The following ZC3H12B variants were observed in gnomAD, a reference collection of about 807,000 sequenced individuals.
ZC3H12B encodes probable ribonuclease ZC3H12B.
ZC3H12B carries 7 observed loss-of-function variants against 43.9 expected under a neutral mutation model. The observed-to-expected ratio is 0.16, with a 90% CI of 0.09 to 0.30. The LOEUF (loss-of-function observed/expected upper bound fraction) is 0.30, where lower values mean the gene tolerates loss of function less well. Among genes scored for constraint, ZC3H12B ranks in the 10% least tolerant of loss-of-function variants. The probability of loss-of-function intolerance (pLI) is 1.00; values close to 1 mark genes in which losing one functional copy is unlikely to be tolerated. For missense variants in ZC3H12B, 475 were observed against 670.2 expected (o/e 0.71, Z 3.22); for synonymous variants, 222 against 241.7 (o/e 0.92, Z 0.76).
the ZC3H12B span, among the ~76,000 whole-genome samples, chrX:65,178,146 A>C: frequency 8.9e-6 from 1 of 112,294 alleles, no homozygotes; most frequent in Non-Finnish European, 1.9e-5. Context: ...AAACCTGAGA[A>C]ACACAAGCAA....
chrX:65,093,672 T>C, the ZC3H12B span, among the ~76,000 whole-genome samples: 4 of 112,346 alleles, frequency 3.6e-5, no homozygotes, highest in African/African-American at 1.3e-4. Context: ...GATTTATTTC[T>C]TTTGGAATAG....
chrX:65,403,233 AAG>A (rs1199050535), intron 3 of ZC3H12B, among the ~76,000 whole-genome samples: 1 of 112,091 alleles, frequency 8.9e-6, no homozygotes, highest in African/African-American at 3.2e-5. Flanking sequence ...ATCAAGAAGA[AAG>A]AGTGAGCTTG....
the ZC3H12B span, among the ~76,000 whole-genome samples, chrX:65,102,262 A>T: frequency 4.4e-3 from 486 of 111,683 alleles, 3 homozygotes; most frequent in African/African-American, 0.015. Context: ...TTTATGACAA[A>T]CCCATAGCCA....
the ZC3H12B span, among the ~76,000 whole-genome samples, chrX:65,133,566 T>A: frequency 4.2e-3 from 465 of 111,654 alleles, 2 homozygotes; most frequent in African/African-American, 0.013. Flanking sequence ...TCCAGCCACA[T>A]CTTTAAGAAG....
chrX:65,426,564 G>A (rs1403829687), intron 3 of ZC3H12B, among the ~76,000 whole-genome samples: 1 of 110,350 alleles, frequency 9.1e-6, no homozygotes, highest in East Asian at 2.8e-4. Flanking sequence ...TGAGATGTTA[G>A]GTTGTTAACG....
chrX:65,485,413 C>T (rs1283442781), upstream of ZC3H12B, among the ~76,000 whole-genome samples: 1 of 111,846 alleles, frequency 8.9e-6, no homozygotes, highest in Non-Finnish European at 1.9e-5. Flanking sequence ...GCCACCATGC[C>T]TGACTAATTT....
chrX:65,294,668 C>A, the ZC3H12B span, among the ~76,000 whole-genome samples: 4 of 111,334 alleles, frequency 3.6e-5, no homozygotes, highest in African/African-American at 1.3e-4. Context: ...ATATTCCATG[C>A]AAATGTACAC....
the ZC3H12B span, among the ~76,000 whole-genome samples, chrX:65,277,762 G>C: frequency 1.8e-5 from 2 of 110,707 alleles, no homozygotes; most frequent in Non-Finnish European, 1.9e-5. Flanking sequence ...TCAAAAAACT[G>C]GAAAGATTAC....
chrX:65,160,169 A>T, the ZC3H12B span, among the ~76,000 whole-genome samples: 1 of 111,880 alleles, frequency 8.9e-6, no homozygotes, highest in African/African-American at 3.2e-5. Context: ...ATTTGCCAGT[A>T]TTTTATTGAG....
chrX:65,159,257 C>G, the ZC3H12B span, among the ~76,000 whole-genome samples: 1 of 111,754 alleles, frequency 8.9e-6, no homozygotes, highest in Admixed American at 9.5e-5. Flanking sequence ...GCGATGCGGG[C>G]TCTTCTTTGG....
At chrX:65,209,805 C>G in the ZC3H12B span, among the ~76,000 whole-genome samples, 1 of 100,843 alleles carries the variant, frequency 9.9e-6, no homozygotes, top group Admixed American at 1.1e-4. Flanking sequence ...CTGAGAAAAA[C>G]AAGCAATGGG....
the ZC3H12B span, among the ~76,000 whole-genome samples, chrX:65,224,299 G>A: frequency 8.9e-6 from 1 of 112,668 alleles, no homozygotes; most frequent in Admixed American, 9.4e-5. Flanking sequence ...ACTCGGGAAA[G>A]GGTCTGAAGA....
At chrX:65,397,524 C>T (rs773914134) in intron 2 of ZC3H12B, among the ~76,000 whole-genome samples, 4 of 111,307 alleles carry the variant, frequency 3.6e-5, no homozygotes, top group Admixed American at 9.6e-5. Flanking sequence ...ATATTGGGCC[C>T]CACTGTCTTC....
At chrX:65,062,234 C>T in the ZC3H12B span, among the ~76,000 whole-genome samples, 5 of 112,220 alleles carry the variant, frequency 4.5e-5, no homozygotes, top group Non-Finnish European at 9.4e-5. Flanking sequence ...AGCCTTTGCC[C>T]ATGGCTATGA....
chrX:65,491,140 C>T (rs1251332645), intron 1 of ZC3H12B, among the ~76,000 whole-genome samples: 1 of 111,961 alleles, frequency 8.9e-6, no homozygotes, highest in Non-Finnish European at 1.9e-5. Flanking sequence ...GAACTTAAGT[C>T]CTCTGACTTC....
rs961640993 is a variant in ZC3H12B at position 65,470,073 on chromosome X, G to A, written n.408-18573G>A. ...GTCTGTACCCATACCCAACGATGCC[G>A]ACTCCCCGCACCTGAAGACCAGCGT... On this transcript the variant is annotated intron_variant and non_coding_transcript_variant, in intron 3 of 5. Transcript: ENST00000617377. 1.5e-4 allele frequency: 17 copies of A among 116,410 alleles called. No individual in the cohort carries two copies. The East Asian group carries it at 3.4e-3, about 23-fold the overall frequency. The allele number at this position is 116,410 out of a possible 1,213,427, so 9.6% of individuals were successfully genotyped here.
the ZC3H12B span, among the ~76,000 whole-genome samples, chrX:65,050,381 A>G: frequency 9.1e-6 from 1 of 109,919 alleles, no homozygotes; most frequent in Non-Finnish European, 1.9e-5. Context: ...TTTCTATTGG[A>G]TGTTTTCATT....
chrX:65,300,761 C>T, the ZC3H12B span, among the ~76,000 whole-genome samples: 3 of 111,236 alleles, frequency 2.7e-5, no homozygotes, highest in Non-Finnish European at 5.7e-5. Flanking sequence ...CCACCAAAGG[C>T]CAACCAACAC....
chrX:65,130,494 G>A, the ZC3H12B span, among the ~76,000 whole-genome samples: 3 of 108,670 alleles, frequency 2.8e-5, no homozygotes, highest in Non-Finnish European at 5.8e-5. Flanking sequence ...GTCCTGGGCA[G>A]GGGCAAATCC....
Sources: allele counts gnomAD v4.1 joint callset (sites outside exome capture counted in the v4.1 genomes callset), GRCh38; gene constraint gnomAD v4.1.1; transcripts MANE v1.5; gene names NCBI Gene and HGNC (gene_info 2026-07-23, HGNC 2026-07-21).